OTOG: variants seen among roughly 807,000 people sequenced by gnomAD.
OTOG encodes otogelin.
OTOG carries 296 observed loss-of-function variants against 313.8 expected under a neutral mutation model. The ratio of observed to expected loss-of-function variants is 0.94; its 90% CI spans 0.86 to 1.04. OTOG has a LOEUF of 1.04. OTOG is among the 50% of genes least tolerant of loss of function. The probability of loss-of-function intolerance (pLI) is 0.00; values close to 1 mark genes in which losing one functional copy is unlikely to be tolerated. For synonymous variants in OTOG, 1,533 were observed against 1,554.9 expected (o/e 0.99, Z 0.33); for missense variants, 3,948 against 3,840.1 (o/e 1.03, Z -0.74).
At chr11:17,576,496 G>T (rs527863828) in intron 20 of OTOG, 60 bp from the exon 21 acceptor site, 2 of 1,399,414 alleles carry the variant, frequency 1.4e-6, no homozygotes, top group Non-Finnish European at 2.0e-6. Flanking sequence ...CCCTGTCCTT[G>T]GCAGTCTCTG....
chr11:17,547,527 T>A (rs879762312), intron 1 of OTOG, 61 bp downstream of exon 1: 8 of 1,291,610 alleles, frequency 6.2e-6, no homozygotes, highest in Non-Finnish European at 7.8e-6. Flanking sequence ...GTTAAAGGAA[T>A]GAGGAATGGG....
At chr11:17,596,798 A>T (rs1381160037) in intron 29 of OTOG, 53 bp from the exon 30 acceptor site, 1 of 1,479,340 alleles carries the variant, frequency 6.8e-7, no homozygotes, top group Non-Finnish European at 9.2e-7. Flanking sequence ...GAAAAGATGC[A>T]GATCTGACAT....
intron 19 of OTOG, among the ~76,000 whole-genome samples, chr11:17,573,615 T>C (rs2134028080): frequency 6.6e-6 from 1 of 152,294 alleles, no homozygotes; most frequent in African/African-American, 2.4e-5. Context: ...CCACCTTGCG[T>C]TGCACCTTTC....
At position 17,612,755 on chromosome 11, in the gene OTOG, G is replaced by A; in HGVS notation, c.6428G>A (p.Ser2143Asn). ...MLTVHVLDCK[S>N]ANLGHLNWPP... ...ACCGTCCATGTACTGGACTGCAAAAGTGCCAACCTGGTGCCTGCCCCATAC... is the reference window on the plus strand; with the variant it reads ...ACCGTCCATGTACTGGACTGCAAAAATGCCAACCTGGTGCCTGCCCCATAC... The change falls in exon 38 of 56, where the codon AGT becomes AAT. Residue 2143 changes from serine (S) to asparagine (N), a missense_variant. Physicochemically the swap from Ser to Asn is conservative, Grantham distance 46 (BLOSUM62 1). Transcript: ENST00000399397. The A allele has an allele frequency of 1.3e-6, 2 of 1,550,414 alleles. No individual in the cohort carries two copies. The highest frequency in any genetic ancestry group is 1.7e-6 in the Non-Finnish European group (2 of 1,146,896).
intron 48 of OTOG, chr11:17,639,072 TA>T (rs1847914612): frequency 3.0e-6 from 1 of 336,864 alleles, no homozygotes; most frequent in Non-Finnish European, 5.5e-6. Flanking sequence ...TAAAATAAAA[TA>T]AATAAAAAGA....
chr11:17,583,247 G>A (rs953107730), intron 23 of OTOG, among the ~76,000 whole-genome samples: 5 of 151,984 alleles, frequency 3.3e-5, no homozygotes, highest in South Asian at 2.1e-4. Context: ...CGATTCTCCC[G>A]CCTCAGCCTC....
At chr11:17,579,388 AGAGGAGGG>A (rs1852614022) in intron 23 of OTOG, among the ~76,000 whole-genome samples, 1 of 152,158 alleles carries the variant, frequency 6.6e-6, no homozygotes, top group Non-Finnish European at 1.5e-5. Flanking sequence ...TCCATGGCAG[AGAGGAGGG>A]GAGGACCATG....
intron 24 of OTOG, among the ~76,000 whole-genome samples, chr11:17,588,548 G>T (rs1271393689): frequency 1.1e-4 from 16 of 152,134 alleles, no homozygotes; most frequent in Admixed American, 1.0e-3. Context: ...GGCTTAGGAA[G>T]CCACGTGGAG....
chr11:17,612,609 C>A lies in OTOG; in HGVS notation c.6293-11C>A. The A allele has an allele frequency of 6.5e-7, 1 of 1,548,548 alleles. No individual in the cohort carries two copies. Among genetic ancestry groups the A allele is most frequent in the Non-Finnish European group, 8.7e-7 (1 of 1,145,840 alleles). ...TCCACCTATTCTTCTTGTGCCCTGC[C>A]CCTCCCCCAGGCCGGTGCTCAATCT... On this transcript the variant is annotated splice_polypyrimidine_tract_variant and intron_variant, in intron 37 of 55. Transcript: ENST00000399397.
chr11:17,585,824 A>T (rs187993777), intron 23 of OTOG, among the ~76,000 whole-genome samples: 1 of 152,256 alleles, frequency 6.6e-6, no homozygotes, highest in Admixed American at 6.5e-5. Context: ...TCTTTAACCC[A>T]TGTGCTTGTA....
chr11:17,584,227 A>C (rs1490739748), intron 23 of OTOG, among the ~76,000 whole-genome samples: 1 of 152,188 alleles, frequency 6.6e-6, no homozygotes, highest in East Asian at 1.9e-4. Context: ...GAATTTCAGT[A>C]AGTGATCATG....
intron 38 of OTOG, among the ~76,000 whole-genome samples, chr11:17,613,295 C>A (rs1158388018): frequency 2.8e-5 from 4 of 143,482 alleles, no homozygotes; most frequent in Non-Finnish European, 4.5e-5. Flanking sequence ...CTCCTTCTTT[C>A]TTCTCTCTTC....
intron 6 of OTOG, among the ~76,000 whole-genome samples, chr11:17,553,966 G>A (rs888767471): frequency 3.3e-5 from 5 of 152,116 alleles, no homozygotes; most frequent in African/African-American, 9.7e-5. Context: ...CTGTTTATTC[G>A]GAAGGATGGT....
Position 17,611,279 on chromosome 11 carries a change from G to A in OTOG, c.5979G>A (p.Ser1993=), listed in dbSNP as rs925237259. 88 of 1,550,366 alleles carry A rather than the reference G, an allele frequency of 5.7e-5. No homozygotes were observed. Among genetic ancestry groups the A allele is most frequent in the Middle Eastern group, 1.7e-4 (1 of 6,012 alleles). The change falls in exon 36 of 56, where the codon TCG becomes TCA. Residue 1993 remains serine (S), a synonymous_variant. Coordinates refer to ENST00000399397, the MANE Select transcript of OTOG (RefSeq NM_001292063.2). ...AGCTGGCTGAGGCCCATGGAACCTCGGCAGGGCCTCACCTGGCAGCAGAGC... is the reference window on the plus strand; with the variant it reads ...AGCTGGCTGAGGCCCATGGAACCTCAGCAGGGCCTCACCTGGCAGCAGAGC... ...LPQLAEAHGT[S]AGPHLAAEPV... is the part of the protein sequence containing the mutation.
At position 17,574,805 on chromosome 11, in the gene OTOG, C is replaced by T; in HGVS notation, c.2379C>T (p.Ala793=). The T allele has an allele frequency of 6.4e-7, 1 of 1,550,632 alleles. No homozygotes were observed. ...GCCAGGACCTGGCCAGCCCTGAGGC[C>T]TGTGGGGTTGATGGTGGCGATGACC... ...RTCQDLASPE[A]CGVDGGDDLS... is the part of the protein sequence containing the mutation. Residue 793 remains alanine (A), a synonymous_variant, in exon 20 of 56, where the codon GCC becomes GCT. Transcript: ENST00000399397.
intron 39 of OTOG, among the ~76,000 whole-genome samples, chr11:17,620,620 A>G (rs1007128457): frequency 5.3e-5 from 8 of 152,116 alleles, no homozygotes; most frequent in African/African-American, 1.9e-4. Context: ...TTCATACATA[A>G]TGTAGTTTTT....
rs965633101 is a variant in OTOG, at chr11:17,559,136, C to T, written c.1188C>T (p.Gly396=). ...ACAQAGRPLQ[G]WRTQLRQCTV... is the part of the protein sequence containing the mutation. Reference sequence around the variant, plus strand: ...CCCAGGCAGGGCGGCCCTTGCAAGGCTGGAGGACCCAGCTCCGGCAATGCA... The same window carrying T: ...CCCAGGCAGGGCGGCCCTTGCAAGGTTGGAGGACCCAGCTCCGGCAATGCA... Residue 396 remains glycine, a synonymous_variant, in exon 11 of 56, where the codon GGC becomes GGT. Coordinates refer to ENST00000399397, the MANE Select transcript of OTOG (RefSeq NM_001292063.2). 1 of 1,540,412 alleles carries T rather than the reference C, an allele frequency of 6.5e-7. No homozygotes were observed. Among genetic ancestry groups the T allele is most frequent in the African/African-American group, 1.4e-5 (1 of 73,052 alleles).
At chr11:17,574,065 C>G (rs1415647241) in intron 19 of OTOG, among the ~76,000 whole-genome samples, 1 of 152,210 alleles carries the variant, frequency 6.6e-6, no homozygotes, top group Non-Finnish European at 1.5e-5. Context: ...GCCCAGGCAT[C>G]AGCATTTTCA....
At chr11:17,633,449 CTTTA>C (rs1854181097) in intron 42 of OTOG, among the ~76,000 whole-genome samples, 1 of 152,190 alleles carries the variant, frequency 6.6e-6, no homozygotes, top group South Asian at 2.1e-4. Flanking sequence ...TCCAATAAAA[CTTTA>C]TTTGTGAAAA....
Sources: allele counts gnomAD v4.1 joint callset (sites outside exome capture counted in the v4.1 genomes callset), GRCh38; gene constraint gnomAD v4.1.1; transcripts MANE v1.5; gene names NCBI Gene and HGNC (gene_info 2026-07-23, HGNC 2026-07-21).